YEATS2: variants seen among roughly 807,000 people sequenced by gnomAD.
The protein encoded by YEATS2 is YEATS domain-containing protein 2.
Under a neutral mutation model 163.2 loss-of-function variants are expected in YEATS2, and 77 were observed. The observed-to-expected ratio is 0.47, with a 90% confidence interval of 0.39 to 0.57. The LOEUF is 0.57. Among genes scored for constraint, YEATS2 ranks in the 20% least tolerant of loss-of-function variants. The pLI is 0.00. For synonymous variants in YEATS2, 631 were observed against 645.1 expected, an observed-to-expected ratio of 0.98 and a Z score of 0.33; for missense variants, 1,549 against 1,729.8, an observed-to-expected ratio of 0.90 and a Z score of 1.85.
intron 9 of YEATS2, among the ~76,000 whole-genome samples, chr3:183,751,506 T>A (rs559922318): frequency 6.6e-6 from 1 of 152,234 alleles, no homozygotes; most frequent in African/African-American, 2.4e-5. Flanking sequence ...AAGGTACTTA[T>A]TGAGCGCTGG....
chr3:183,772,536 C>T lies in YEATS2; in HGVS notation c.2179C>T (p.Pro727Ser). The T allele has an allele frequency of 1.9e-6, 3 of 1,614,070 alleles. No individual in the cohort carries two copies. Among genetic ancestry groups the T allele is most frequent in the African/African-American group, 2.7e-5 (2 of 75,028 alleles). ...LTKAQVTAAG[P>S]QKSGSQGSVM... Reference sequence around the variant, plus strand: ...CAAGGCCCAGGTTACTGCCGCTGGTCCTCAGAAGAGTGGATCCCAGGGTTC... The same window carrying T: ...CAAGGCCCAGGTTACTGCCGCTGGTTCTCAGAAGAGTGGATCCCAGGGTTC... Residue 727 changes from proline to serine, a missense_variant, in exon 16 of 31, where the codon CCT (proline) becomes TCT (serine). Pro to Ser is a moderately conservative substitution (Grantham distance 74). Coordinates refer to ENST00000305135, the MANE Select transcript of YEATS2 (RefSeq NM_018023.5).
intron 1 of YEATS2, among the ~76,000 whole-genome samples, chr3:183,709,427 C>G (rs1714953554): frequency 6.7e-6 from 1 of 148,740 alleles, no homozygotes. Flanking sequence ...TGCCTCCTCA[C>G]AGGTTCAGGA....
chr3:183,743,526 G>A (rs1719194721), intron 8 of YEATS2, among the ~76,000 whole-genome samples: 1 of 151,768 alleles, frequency 6.6e-6, no homozygotes, highest in Non-Finnish European at 1.5e-5. Flanking sequence ...TTTTTGTAGA[G>A]ATGGAGTTTT....
At chr3:183,749,839 A>T (rs1363048843) in intron 9 of YEATS2, among the ~76,000 whole-genome samples, 1 of 151,860 alleles carries the variant, frequency 6.6e-6, no homozygotes, top group African/African-American at 2.4e-5. Context: ...ATTTTTTGAG[A>T]TGGAGTCTCG....
intron 4 of YEATS2, among the ~76,000 whole-genome samples, chr3:183,720,901 C>T (rs1716418975): frequency 1.3e-5 from 2 of 152,164 alleles, no homozygotes; most frequent in East Asian, 3.9e-4. Flanking sequence ...TTCTGCCTGT[C>T]AATGATGTGG....
rs1213891129 is a variant in YEATS2, at chr3:183,809,154, A to G, written c.4144A>G (p.Thr1382Ala). Residue 1382 changes from threonine to alanine, a missense_variant, in exon 30 of 31, where the codon ACA becomes GCA. By Grantham distance (58) the Thr-to-Ala change is moderately conservative. Coordinates refer to ENST00000305135, the MANE Select transcript of YEATS2 (RefSeq NM_018023.5). ...LRQALAVGYQ[T>A]ASHNRIPKEI... ...ACAGGCTTTGGCAGTTGGATACCAG[A>G]CAGCTTCTCACAACAGGTATTACTA... 2 of 1,614,034 alleles carry G rather than the reference A, an allele frequency of 1.2e-6. No individual in the cohort carries two copies. Among genetic ancestry groups the G allele is most frequent in the Non-Finnish European group, 1.7e-6 (2 of 1,180,018 alleles).
intron 27 of YEATS2, among the ~76,000 whole-genome samples, chr3:183,805,237 CAAAAAT>C (rs1360105346): frequency 1.1e-4 from 17 of 149,762 alleles, no homozygotes; most frequent in East Asian, 3.9e-4. Context: ...CTTGTCGCTA[CAAAAAT>C]TACAAAAATT....
Position 183,804,064 on chromosome 3 carries a change from C to T in YEATS2, c.3660C>T (p.Pro1220=). The T allele has an allele frequency of 6.2e-7, 1 of 1,614,098 alleles. No homozygotes were observed. The highest frequency in any genetic ancestry group is 8.5e-7 in the Non-Finnish European group (1 of 1,180,014). Residue 1220 remains proline, a synonymous_variant, in exon 27 of 31, where the codon CCC becomes CCT. Coordinates refer to ENST00000305135, the MANE Select transcript of YEATS2 (RefSeq NM_018023.5). ...ATCCGAGATTTCACCACCTGACTCC[C>T]CTCAAAACCAAGCACATCGCTCACT... ...EKNPRFHHLT[P]LKTKHIAHWC... is the part of the protein sequence containing the mutation.
intron 16 of YEATS2, among the ~76,000 whole-genome samples, chr3:183,772,808 A>G (rs1350262174): frequency 1.3e-5 from 2 of 151,922 alleles, no homozygotes; most frequent in Admixed American, 6.6e-5. Context: ...CGAACAAATC[A>G]TTTCTCAGTA....
chr3:183,761,863 G>A (rs1316416930), intron 14 of YEATS2, among the ~76,000 whole-genome samples: 1 of 152,182 alleles, frequency 6.6e-6, no homozygotes, highest in African/African-American at 2.4e-5. Flanking sequence ...ACAAGTGACT[G>A]TGTTATTACA....
intron 8 of YEATS2, among the ~76,000 whole-genome samples, chr3:183,746,658 T>A (rs1299922787): frequency 7.2e-5 from 3 of 41,930 alleles, no homozygotes; most frequent in Non-Finnish European, 1.6e-4. Flanking sequence ...TAAAATTACC[T>A]TTTTTTTTTT....
At chr3:183,782,971 C>T (rs1723723203) in intron 19 of YEATS2, among the ~76,000 whole-genome samples, 2 of 152,214 alleles carry the variant, frequency 1.3e-5, no homozygotes, top group Non-Finnish European at 2.9e-5. Flanking sequence ...CTGATTTGCT[C>T]TACATCCTCA....
In YEATS2 at chr3:183,776,090, T is replaced by G. The variant is rs1194949861; in HGVS notation, c.2544T>G (p.Thr848=). Residue 848 remains threonine, a synonymous_variant, in exon 18 of 31, where the codon ACT becomes ACG. Transcript: ENST00000305135. Reference sequence around the variant, plus strand: ...CTGGAGGGATATCTCAGCACCTGACTTACACATCTTACATCCTCAAGCAAA... The same window carrying G: ...CTGGAGGGATATCTCAGCACCTGACGTACACATCTTACATCCTCAAGCAAA... ...AGPGGISQHL[T]YTSYILKQTP... 5 of 1,599,994 alleles carry G rather than the reference T, an allele frequency of 3.1e-6. No homozygotes were observed. The highest frequency in any genetic ancestry group is 4.3e-6 in the Non-Finnish European group (5 of 1,173,374).
chr3:183,802,535 G>GTATATATATACACCTA (rs11276625), intron 25 of YEATS2: 6 of 142,222 alleles, frequency 4.2e-5, no homozygotes, highest in African/African-American at 1.6e-4. Flanking sequence ...ATATACACGT[G>GTATATATATACACCTA]TATATACACA....
rs1330882830 is a variant in YEATS2 at position 183,773,503 on chromosome 3, T to G, written c.2207-130T>G. On this transcript the variant is annotated intron_variant, in intron 16 of 30. Transcript: ENST00000305135. The stretch of plus-strand genomic sequence containing the variant: ...ATCAGTCTTTAAAGCATTGTGCATC[T>G]GGGAAACAAACTTTGAATTTATTGC... 26 of 914,444 alleles carry G rather than the reference T, an allele frequency of 2.8e-5. No homozygotes were observed. The South Asian group carries it at 4.1e-4, about 14-fold the overall frequency. The allele number at this position is 914,444 out of a possible 1,614,324, so 56.6% of individuals were successfully genotyped here.
chr3:183,810,411 G>T, intron 30 of YEATS2, 64 bp from the exon 31 acceptor site: 1 of 1,438,850 alleles, frequency 6.9e-7, no homozygotes, highest in South Asian at 1.2e-5. Context: ...TGAGTTAAGT[G>T]AATAAATGAT....
chr3:183,768,006 A>G (rs2109393768), intron 15 of YEATS2, among the ~76,000 whole-genome samples: 1 of 152,364 alleles, frequency 6.6e-6, no homozygotes, highest in Middle Eastern at 3.4e-3. Flanking sequence ...ACATAAAAGT[A>G]GATTCTGTGT....
intron 10 of YEATS2, 103 bp downstream of exon 10, chr3:183,752,356 T>TG: frequency 1.5e-5 from 20 of 1,362,120 alleles, no homozygotes; most frequent in Non-Finnish European, 2.0e-5. Context: ...TTGCTATAAG[T>TG]GGACATGCTG....
chr3:183,728,982 G>A, intron 7 of YEATS2, 131 bp downstream of exon 7: 1 of 1,060,888 alleles, frequency 9.4e-7, no homozygotes, highest in Non-Finnish European at 1.3e-6. Flanking sequence ...TAGTCAAAAT[G>A]TAGTTGGAGG....
Sources: allele counts gnomAD v4.1 joint callset (sites outside exome capture counted in the v4.1 genomes callset), GRCh38; gene constraint gnomAD v4.1.1; transcripts MANE v1.5; gene names NCBI Gene and HGNC (gene_info 2026-07-23, HGNC 2026-07-21).